RASGRP4: variants seen among roughly 807,000 people sequenced by gnomAD.
The protein encoded by RASGRP4 is RAS guanyl releasing protein 4, also known as RAS guanyl-releasing protein 4.
In RASGRP4, 52 loss-of-function variants were observed where a neutral mutation model predicts 84.4. The observed-to-expected ratio is 0.62, with a 90% CI of 0.49 to 0.78. The LOEUF (loss-of-function observed/expected upper bound fraction) is 0.78, where lower values mean the gene tolerates loss of function less well. RASGRP4 is among the 30% of genes least tolerant of loss of function. The pLI is 0.00. For synonymous variants in RASGRP4, 356 were observed against 359.1 expected, an observed-to-expected ratio of 0.99 and a Z score of 0.10; for missense variants, 760 against 886.9, an observed-to-expected ratio of 0.86 and a Z score of 1.82.
At position 38,413,262 on chromosome 19, in the gene RASGRP4, C is replaced by T; in HGVS notation, c.1347G>A (p.Glu449=). Residue 449 remains glutamate (E), a synonymous_variant, in exon 11 of 17, where the codon GAG becomes GAA. Coordinates refer to ENST00000615439, the MANE Select transcript of RASGRP4 (RefSeq NM_170604.3). This position sits in a 1 kb window ranked among gnomAD's most constrained non-coding sequence, Gnocchi z 4.7. The part of the protein sequence containing the change: ...PSPFNAPLVV[E]WAPGVTPKPD... Reference sequence around the variant, plus strand: ...GCTTGGGTGTCACACCAGGGGCCCACTCCACCACCAGAGGTGCATTGAAGG... The same window carrying T: ...GCTTGGGTGTCACACCAGGGGCCCATTCCACCACCAGAGGTGCATTGAAGG... The T allele has an allele frequency of 1.2e-6, 2 of 1,613,864 alleles. No homozygotes were observed. Among genetic ancestry groups the T allele is most frequent in the Non-Finnish European group, 1.7e-6 (2 of 1,179,864 alleles).
chr19:38,418,650 T>C lies in RASGRP4; in HGVS notation c.664-86A>G. The C allele has an allele frequency of 7.7e-7, 1 of 1,293,446 alleles. No homozygotes were observed. The allele number at this position is 1,293,446 out of a possible 1,614,324, so 80.1% of individuals were successfully genotyped here. On this transcript the variant is annotated intron_variant, in intron 6 of 16. Transcript: ENST00000615439. The surrounding 1 kb of genome is among the most constrained non-coding windows in gnomAD (Gnocchi z 4.6). ...TCCAACTAGCAGTCACGATCTCTGA[T>C]GTCCTAGCCTGGTCTAGCCGGAGTG...
chr19:38,413,465 C>A lies in RASGRP4; in HGVS notation c.1240G>T (p.Asp414Tyr). 1 of 1,596,068 alleles carries A rather than the reference C, an allele frequency of 6.3e-7. No individual in the cohort carries two copies. The highest frequency in any genetic ancestry group is 8.5e-7 in the Non-Finnish European group (1 of 1,171,182). The change falls in exon 10 of 17, where the codon GAC (aspartate) becomes TAC (tyrosine). Residue 414 changes from aspartate (D) to tyrosine (Y), a missense_variant. Asp to Tyr is a radical substitution (Grantham distance 160). Transcript: ENST00000615439. This position sits in a 1 kb window ranked among gnomAD's most constrained non-coding sequence, Gnocchi z 4.7. ...DLLHLLTLSL[D>Y]LFYTEDEIYE... ...ATCTCGTCTTCCGTGTAGAAGAGGTCCAGGGAGAGCTGGAGCAGACAGGGG... is the reference window on the plus strand; with the variant it reads ...ATCTCGTCTTCCGTGTAGAAGAGGTACAGGGAGAGCTGGAGCAGACAGGGG...
At chr19:38,410,465 T>C (rs950504475) in intron 16 of RASGRP4, among the ~76,000 whole-genome samples, 1 of 151,452 alleles carries the variant, frequency 6.6e-6, no homozygotes. Context: ...TAGGCTGGTG[T>C]GCAGTGGCAC....
intron 4 of RASGRP4, among the ~76,000 whole-genome samples, 189 bp downstream of exon 4, chr19:38,420,719 G>A (rs562249061): frequency 6.6e-6 from 1 of 150,824 alleles, no homozygotes; most frequent in South Asian, 2.1e-4. Context: ...AGGAAGTGGG[G>A]GTTCTAAGGA....
At chr19:38,415,565 G>T (rs1223862272) in intron 8 of RASGRP4, among the ~76,000 whole-genome samples, 8 of 151,470 alleles carry the variant, frequency 5.3e-5, no homozygotes, top group African/African-American at 1.9e-4. Context: ...TAGAGACAGG[G>T]TTTTACCATG....
At chr19:38,411,558 C>T in intron 13 of RASGRP4, 177 bp from the exon 14 acceptor site, 1 of 660,100 alleles carries the variant, frequency 1.5e-6, no homozygotes, top group Non-Finnish European at 2.5e-6. Flanking sequence ...CCAGTAATCC[C>T]AGCACTTTGA....
intron 8 of RASGRP4, among the ~76,000 whole-genome samples, chr19:38,416,332 G>A (rs950627542): frequency 6.6e-6 from 1 of 151,540 alleles, no homozygotes; most frequent in African/African-American, 2.4e-5. Context: ...GCATGGTGGT[G>A]CACCCCTGTA....
rs1971318625 is a variant in RASGRP4 at position 38,412,789 on chromosome 19, C to T, written c.1563G>A (p.Leu521=). ...CGCTGGCCCGGAGCAGGTACCCTGT[C>T]AGCTCCTCTCTGCTGAAGGATCCTC... ...QGRGSFSREE[L]TGYLLRASAI... Residue 521 remains leucine (L), a synonymous_variant, in exon 13 of 17, where the codon CTG becomes CTA. Coordinates refer to ENST00000615439, the MANE Select transcript of RASGRP4 (RefSeq NM_170604.3). The surrounding 1 kb of genome is among the most constrained non-coding windows in gnomAD (Gnocchi z 4.6). The T allele has an allele frequency of 6.2e-7, 1 of 1,606,940 alleles. No individual in the cohort carries two copies. The highest frequency in any genetic ancestry group is 1.1e-5 in the South Asian group (1 of 90,270).
chr19:38,421,495 T>C (rs1167816106), intron 2 of RASGRP4, among the ~76,000 whole-genome samples: 2 of 152,158 alleles, frequency 1.3e-5, no homozygotes, highest in Admixed American at 1.3e-4. Context: ...GCGGATCATA[T>C]GAGGCCAGGA....
In RASGRP4 at chr19:38,426,032, A is replaced by C. The variant is rs761141569; in HGVS notation, c.23+37T>G. 9 of 1,358,960 alleles carry C rather than the reference A, an allele frequency of 6.6e-6. No individual in the cohort carries two copies. The East Asian group carries it at 2.6e-4, about 39-fold the overall frequency. 84.2% of individuals were successfully genotyped at this position (1,358,960 alleles called of 1,614,324 possible). Reference sequence around the variant, plus strand: ...GCCCTCCCATGCAGAGGGAGGCCTCAGGGTGCTGCCGGGCTCCCTGGGGAG... The same window carrying C: ...GCCCTCCCATGCAGAGGGAGGCCTCCGGGTGCTGCCGGGCTCCCTGGGGAG... On this transcript the variant is annotated intron_variant, in intron 1 of 16. Transcript: ENST00000615439.
intron 1 of RASGRP4, 43 bp from the exon 2 acceptor site, chr19:38,422,196 C>A: frequency 1.3e-6 from 2 of 1,538,790 alleles, no homozygotes; most frequent in South Asian, 1.2e-5. Flanking sequence ...CACCTTCTTT[C>A]GGACAGACCC....
In RASGRP4 at chr19:38,418,016, G is replaced by T. The variant is rs571601994; in HGVS notation, c.837+375C>A. On this transcript the variant is annotated intron_variant, in intron 7 of 16. Transcript: ENST00000615439. This position sits in a 1 kb window ranked among gnomAD's most constrained non-coding sequence, Gnocchi z 4.6. Reference sequence around the variant, plus strand: ...GGAGAGCCCGGACGCAATGGGGAGCGATGCACAATCCCGAAGCGACCGCTG... The same window carrying T: ...GGAGAGCCCGGACGCAATGGGGAGCTATGCACAATCCCGAAGCGACCGCTG... Among the ~76,000 whole-genome samples the T allele has an allele frequency of 6.6e-6, 1 of 151,192 alleles. No individual in the cohort carries two copies. The highest frequency in any genetic ancestry group is 1.5e-5 in the Non-Finnish European group (1 of 67,764).
chr19:38,417,272 C>G lies in RASGRP4; in HGVS notation c.838-104G>C. ...AGGTGGGGTCCCAGGCATGTGTGGA[C>G]CAATGTGGGGATCAGACAGGTGAGA... is the stretch of plus-strand genomic sequence containing the variant. On this transcript the variant is annotated intron_variant, in intron 7 of 16. Transcript: ENST00000615439. This position sits in a 1 kb window ranked among gnomAD's most constrained non-coding sequence, Gnocchi z 5.1. 2.7e-6 allele frequency: 2 copies of G among 734,178 alleles called. No homozygotes were observed. Among genetic ancestry groups the G allele is most frequent in the Admixed American group, 2.1e-5 (1 of 48,520 alleles). 45.5% of individuals were successfully genotyped at this position (734,178 alleles called of 1,614,324 possible).
rs188596161 is a variant in RASGRP4 at position 38,413,679 on chromosome 19, G to C, written c.1231-205C>G. Among the ~76,000 whole-genome samples, 183 of 152,224 alleles carry C rather than the reference G, an allele frequency of 1.2e-3. No homozygotes were observed. Among genetic ancestry groups the C allele is most frequent in the African/African-American group, 4.2e-3 (176 of 41,530 alleles). On this transcript the variant is annotated intron_variant, in intron 9 of 16. Transcript: ENST00000615439. This position sits in a 1 kb window ranked among gnomAD's most constrained non-coding sequence, Gnocchi z 4.7. ...CACAGTAAGGGTCCCGACCTCATAG[G>C]GTTGTAAGGTGGAATGAGGTACCTG...
At position 38,413,386 on chromosome 19, in the gene RASGRP4, G is replaced by C. The variant is rs1340130925; in HGVS notation, c.1311+8C>G. The C allele has an allele frequency of 6.2e-7, 1 of 1,608,940 alleles. No homozygotes were observed. Among genetic ancestry groups the C allele is most frequent in the East Asian group, 2.2e-5 (1 of 44,678 alleles). On this transcript the variant is annotated splice_region_variant and intron_variant, in intron 10 of 16. Coordinates refer to ENST00000615439, the MANE Select transcript of RASGRP4 (RefSeq NM_170604.3). The surrounding 1 kb of genome is among the most constrained non-coding windows in gnomAD (Gnocchi z 4.7). The stretch of plus-strand genomic sequence containing the variant: ...TGGGGGAGTCCGAGGCCAGGGGTTG[G>C]GTCTCACCAGGCTCTTGGGACAACG...
In RASGRP4 at chr19:38,412,749, A is replaced by C. The variant is rs1238716189; in HGVS notation, c.1603T>G (p.Leu535Val). 2 of 1,611,504 alleles carry C rather than the reference A, an allele frequency of 1.2e-6. No homozygotes were observed. Among genetic ancestry groups the C allele is most frequent in the African/African-American group, 1.3e-5 (1 of 74,888 alleles). ...LLRASAICSK[L>V]GLAFLHTFHE... Reference sequence around the variant, plus strand: ...AAGGTGTGCAGGAAGGCCAGGCCCAACTTGGAGCAGATGGCGCTGGCCCGG... The same window carrying C: ...AAGGTGTGCAGGAAGGCCAGGCCCACCTTGGAGCAGATGGCGCTGGCCCGG... The change falls in exon 13 of 17, where the codon TTG becomes GTG. Residue 535 changes from leucine to valine, a missense_variant. Leu to Val is a conservative substitution (Grantham distance 32, BLOSUM62 1). Coordinates refer to ENST00000615439, the MANE Select transcript of RASGRP4 (RefSeq NM_170604.3). This position sits in a 1 kb window ranked among gnomAD's most constrained non-coding sequence, Gnocchi z 4.6.
Position 38,414,840 on chromosome 19 carries a change from G to C in RASGRP4, c.1230+8C>G. 1 of 1,578,082 alleles carries C rather than the reference G, an allele frequency of 6.3e-7. No homozygotes were observed. Among genetic ancestry groups the C allele is most frequent in the Non-Finnish European group, 8.6e-7 (1 of 1,161,400 alleles). ...AAGCCCAGCCTGGGCGGGGCCAGGG[G>C]GGCTCACCGTGAGCAGGTGCAGCAG... On this transcript the variant is annotated splice_region_variant and intron_variant, in intron 9 of 16. Transcript: ENST00000615439.
chr19:38,409,468 G>A lies in RASGRP4; in HGVS notation c.*572C>T, dbSNP rs1439111137. On this transcript the variant is annotated 3_prime_UTR_variant, in exon 17 of 17. Transcript: ENST00000615439. Reference sequence around the variant, plus strand: ...ATGCAGAAAAACAGGAGCTGGGCGTGGTGGCTCACGCCTGTATTCCCAGCA... The same window carrying A: ...ATGCAGAAAAACAGGAGCTGGGCGTAGTGGCTCACGCCTGTATTCCCAGCA... 6.6e-6 allele frequency: 1 copy of A among 152,410 alleles called. No homozygotes were observed. The highest frequency in any genetic ancestry group is 1.5e-5 in the Non-Finnish European group (1 of 68,240). The allele number at this position is 152,410 out of a possible 1,614,324, so 9.4% of individuals were successfully genotyped here.
chr19:38,418,344 G>C lies in RASGRP4; in HGVS notation c.837+47C>G. 1.3e-6 allele frequency: 2 copies of C among 1,561,318 alleles called. No homozygotes were observed. Among genetic ancestry groups the C allele is most frequent in the Non-Finnish European group, 1.7e-6 (2 of 1,149,982 alleles). On this transcript the variant is annotated intron_variant, in intron 7 of 16. Transcript: ENST00000615439. This position sits in a 1 kb window ranked among gnomAD's most constrained non-coding sequence, Gnocchi z 4.6. ...CGAGGGTCTGGAAGGGGAAGGACCAGGTGGCTGCGTGCAGTGGAGTTCGCA... is the reference window on the plus strand; with the variant it reads ...CGAGGGTCTGGAAGGGGAAGGACCACGTGGCTGCGTGCAGTGGAGTTCGCA...
Sources: allele counts gnomAD v4.1 joint callset (sites outside exome capture counted in the v4.1 genomes callset), GRCh38; gene constraint gnomAD v4.1.1; non-coding constraint Gnocchi (gnomAD v3.1); transcripts MANE v1.5; gene names NCBI Gene and HGNC (gene_info 2026-07-23, HGNC 2026-07-21).